Variants in TDRD6 observed in about 807,000 individuals in gnomAD.
TDRD6 encodes the protein tudor domain containing 6.
Under a neutral mutation model 157.5 loss-of-function variants are expected in TDRD6, and 186 were observed. That is an observed-to-expected ratio of 1.18 (90% CI 1.05 to 1.33). The LOEUF (loss-of-function observed/expected upper bound fraction) is 1.33, where lower values mean the gene tolerates loss of function less well. Among genes scored for constraint, TDRD6 ranks in the 40% most tolerant of loss-of-function variants. The pLI, the probability that TDRD6 is intolerant of heterozygous loss-of-function variation, is 0.00. For synonymous variants in TDRD6, 1,075 were observed against 945.2 expected, an observed-to-expected ratio of 1.14 and a Z score of -2.52; for missense variants, 3,066 against 2,508.0, an observed-to-expected ratio of 1.22 and a Z score of -4.75.
At position 46,690,817 on chromosome 6, in the gene TDRD6, G is replaced by T; in HGVS notation, c.2689G>T (p.Val897Phe). The part of the protein sequence containing the change: ...LIQPVGQNPF[V>F]WDVKAIQAFN... ...TCAACCAGTTGGCCAGAATCCCTTT[G>T]TTTGGGATGTAAAGGCAATACAAGC... Residue 897 changes from valine to phenylalanine, a missense_variant, in exon 1 of 4, where the codon GTT becomes TTT. By Grantham distance (50) the Val-to-Phe change is conservative (BLOSUM62 -1). Transcript: ENST00000316081. 1.2e-6 allele frequency: 2 copies of T among 1,613,888 alleles called. No individual in the cohort carries two copies. The highest frequency in any genetic ancestry group is 1.7e-6 in the Non-Finnish European group (2 of 1,179,894).
In TDRD6 at chr6:46,691,619, G is replaced by C. The variant is rs770534504; in HGVS notation, c.3491G>C (p.Arg1164Thr). Residue 1164 changes from arginine (R) to threonine (T), a missense_variant, in exon 1 of 4, where the codon AGA becomes ACA. By Grantham distance (71) the Arg-to-Thr change is moderately conservative. Coordinates refer to ENST00000316081, the MANE Select transcript of TDRD6 (RefSeq NM_001010870.3). Reference protein sequence around the residue: ...KKLGLLSYKDRIRKKESEVLC... With the variant: ...KKLGLLSYKDTIRKKESEVLC... The stretch of plus-strand genomic sequence containing the variant: ...TTGGGGCTACTTAGTTACAAAGATA[G>C]AATAAGAAAAAAAGAAAGTGAAGTC... 12 of 1,612,090 alleles carry C rather than the reference G, an allele frequency of 7.4e-6. No homozygotes were observed. Among genetic ancestry groups the C allele is most frequent in the African/African-American group, 2.7e-5 (2 of 74,686 alleles).
chr6:46,697,789 G>C (rs960735351), intron 2 of TDRD6, among the ~76,000 whole-genome samples: 6 of 70,898 alleles, frequency 8.5e-5, no homozygotes, highest in African/African-American at 2.5e-4. Flanking sequence ...TCAGGAGGCT[G>C]AGATGGGCAG....
At chr6:46,697,438 T>G (rs1764526891) in intron 2 of TDRD6, among the ~76,000 whole-genome samples, 1 of 152,200 alleles carries the variant, frequency 6.6e-6, no homozygotes, top group Non-Finnish European at 1.5e-5. Flanking sequence ...AGAGGTCTTT[T>G]CTCCACTAGA....
At position 46,692,343 on chromosome 6, in the gene TDRD6, C is replaced by A. The variant is rs751569319; in HGVS notation, c.4215C>A (p.Asp1405Glu). 1 of 1,614,186 alleles carries A rather than the reference C, an allele frequency of 6.2e-7. No individual in the cohort carries two copies. The change falls in exon 1 of 4, where the codon GAC becomes GAA. Residue 1405 changes from aspartate to glutamate, a missense_variant. Coordinates refer to ENST00000316081, the MANE Select transcript of TDRD6 (RefSeq NM_001010870.3). ...VVHTNKIGRL[D>E]LVNAILPGLC... ...ATACTAACAAAATAGGTAGGCTTGA[C>A]CTTGTTAATGCAATATTGCCGGGGT...
chr6:46,694,377 GT>G (rs746878854), intron 1 of TDRD6, among the ~76,000 whole-genome samples: 1 of 151,394 alleles, frequency 6.6e-6, no homozygotes, highest in African/African-American at 2.4e-5. Context: ...TTATTTTTCT[GT>G]TTTTTGTAGA....
Position 46,690,074 on chromosome 6 carries a change from C to T in TDRD6, c.1946C>T (p.Ser649Leu). 1 of 1,614,050 alleles carries T rather than the reference C, an allele frequency of 6.2e-7. No homozygotes were observed. Among genetic ancestry groups the T allele is most frequent in the Non-Finnish European group, 8.5e-7 (1 of 1,180,004 alleles). ...HQYVIEILDE[S>L]RTGEENISKV... is the part of the protein sequence containing the mutation. ...TATGTTATTGAGATTCTTGACGAATCAAGAACAGGGGAAGAAAACATTAGT... is the reference window on the plus strand; with the variant it reads ...TATGTTATTGAGATTCTTGACGAATTAAGAACAGGGGAAGAAAACATTAGT... Residue 649 changes from serine (S) to leucine (L), a missense_variant, in exon 1 of 4, where the codon TCA (serine) becomes TTA (leucine). Coordinates refer to ENST00000316081, the MANE Select transcript of TDRD6 (RefSeq NM_001010870.3).
At chr6:46,685,008 T>C (rs976053278), upstream of TDRD6, among the ~76,000 whole-genome samples, 3 of 150,328 alleles carry the variant, frequency 2.0e-5, no homozygotes, top group Non-Finnish European at 2.9e-5. Flanking sequence ...TGATATAACA[T>C]TGTGGGTTTT....
rs758480599 is a variant in TDRD6, at chr6:46,702,186, A to G, written c.*299A>G. ...TTTACTAACACATTACATTTCAAAA[A>G]CTATTTTGGTACCTTTCAAATACAG... is the stretch of plus-strand genomic sequence containing the variant. On this transcript the variant is annotated 3_prime_UTR_variant, in exon 4 of 4. Transcript: ENST00000316081. 4 of 244,120 alleles carry G rather than the reference A, an allele frequency of 1.6e-5. No individual in the cohort carries two copies. Among genetic ancestry groups the G allele is most frequent in the Non-Finnish European group, 3.1e-5 (4 of 128,576 alleles). 15.1% of individuals were successfully genotyped at this position (244,120 alleles called of 1,614,324 possible).
Position 46,691,729 on chromosome 6 carries a change from T to TA in TDRD6, c.3602dup (p.Tyr1201Ter), listed in dbSNP as rs1764328460. ...CTEYLSKSVGYKLPNKEILEE... is the reference protein window; with the variant it reads ...CTEYLSKSVG ...AGAGTATTTAAGTAAATCAGTAGGG[T>TA]ACAAGTTACCTAATAAAGAAATTTT... Residue 1201 changes from tyrosine to a stop codon, truncating the protein, a stop_gained and frameshift_variant, in exon 1 of 4, where the codon TAC becomes TAAC. Transcript: ENST00000316081. LOFTEE classifies it high-confidence loss of function. The TA allele has an allele frequency of 6.3e-7, 1 of 1,596,662 alleles. No homozygotes were observed. Among genetic ancestry groups the TA allele is most frequent in the African/African-American group, 1.4e-5 (1 of 73,636 alleles).
upstream of TDRD6, among the ~76,000 whole-genome samples, chr6:46,683,300 A>C (rs1332222877): frequency 6.6e-6 from 1 of 152,176 alleles, no homozygotes; most frequent in East Asian, 1.9e-4. Context: ...CTCACTACAA[A>C]AAGTTAATTT....
In TDRD6 at chr6:46,692,716, G is replaced by T. The variant is rs768605877; in HGVS notation, c.4588G>T (p.Gly1530Ter). Residue 1530 changes from glycine to a stop codon, truncating the protein, a stop_gained, in exon 1 of 4, where the codon GGA becomes TGA. Coordinates refer to ENST00000316081, the MANE Select transcript of TDRD6 (RefSeq NM_001010870.3). LOFTEE classifies it high-confidence loss of function. Reference protein sequence around the residue: ...MIRAYATVIDGPEYFWCQFAD... With the variant: ...MIRAYATVID ...AAGAGCTTATGCCACTGTGATAGAT[G>T]GACCTGAGTACTTTTGGTGTCAGTT... The T allele has an allele frequency of 1.9e-6, 3 of 1,614,156 alleles. No individual in the cohort carries two copies. The highest frequency in any genetic ancestry group is 2.5e-6 in the Non-Finnish European group (3 of 1,180,024).
intron 3 of TDRD6, among the ~76,000 whole-genome samples, chr6:46,700,495 TA>T (rs992009761): frequency 6.6e-6 from 1 of 152,122 alleles, no homozygotes; most frequent in Non-Finnish European, 1.5e-5. Context: ...TTACTTTTTT[TA>T]AAAAAATGGT....
At position 46,688,605 on chromosome 6, in the gene TDRD6, C is replaced by A; in HGVS notation, c.477C>A (p.Ser159Arg). ...CCGCCGACGCCGTGGACTTCCTTAG[C>A]AACCTTCAGGGCAAGGAGGTGCACG... ...HWPADAVDFL[S>R]NLQGKEVHGC... The change falls in exon 1 of 4, where the codon AGC (serine) becomes AGA (arginine). Residue 159 changes from serine to arginine, a missense_variant. Transcript: ENST00000316081. 6.3e-7 allele frequency: 1 copy of A among 1,599,028 alleles called. No individual in the cohort carries two copies. The highest frequency in any genetic ancestry group is 1.1e-5 in the South Asian group (1 of 91,088).
rs1018302482 is a variant in TDRD6, at chr6:46,688,140, G to A, written c.12G>A (p.Thr4=). Residue 4 remains threonine, a synonymous_variant, in exon 1 of 4, where the codon ACG becomes ACA. Transcript: ENST00000316081. ...GCCGCGCCGTCAAGATGTGCTCGAC[G>A]CCCGGAATGCCGGCGCCGGGGGCCT... MCS[T]PGMPAPGASL... 2 of 1,538,188 alleles carry A rather than the reference G, an allele frequency of 1.3e-6. No individual in the cohort carries two copies. The highest frequency in any genetic ancestry group is 2.4e-5 in the South Asian group (2 of 84,456).
In TDRD6 at chr6:46,691,342, G is replaced by T; in HGVS notation, c.3214G>T (p.Val1072Leu). 4 of 1,614,048 alleles carry T rather than the reference G, an allele frequency of 2.5e-6. No homozygotes were observed. Among genetic ancestry groups the T allele is most frequent in the Non-Finnish European group, 3.4e-6 (4 of 1,179,926 alleles). The change falls in exon 1 of 4, where the codon GTA (valine) becomes TTA (leucine). Residue 1072 changes from valine to leucine, a missense_variant. Coordinates refer to ENST00000316081, the MANE Select transcript of TDRD6 (RefSeq NM_001010870.3). The stretch of plus-strand genomic sequence containing the variant: ...CTTTGTTGATTTTGGGAATATTTAT[G>T]TAGTAACAAGTGATGATCTGCTTCC... ...VFFVDFGNIY[V>L]VTSDDLLPIP...
upstream of TDRD6, among the ~76,000 whole-genome samples, chr6:46,682,910 T>A (rs572984712): frequency 9.2e-5 from 14 of 152,064 alleles, 1 homozygote; most frequent in Middle Eastern, 0.01. Flanking sequence ...CAAATTGATC[T>A]CTACCTACAA....
chr6:46,695,795 G>A, intron 1 of TDRD6, 26 bp from the exon 2 acceptor site: 5 of 1,602,626 alleles, frequency 3.1e-6, no homozygotes, highest in Non-Finnish European at 4.3e-6. Context: ...GATATGCATT[G>A]AGTCTTACTC....
chr6:46,687,351 T>G (rs1355155227), upstream of TDRD6, among the ~76,000 whole-genome samples: 47 of 152,278 alleles, frequency 3.1e-4, no homozygotes, highest in Non-Finnish European at 1.2e-4. Flanking sequence ...AAGGGAAATA[T>G]GTACCAGTTG....
chr6:46,703,835 G>T lies in TDRD6; in HGVS notation c.*1948G>T, dbSNP rs946249913. On this transcript the variant is annotated 3_prime_UTR_variant, in exon 4 of 4. Coordinates refer to ENST00000316081, the MANE Select transcript of TDRD6 (RefSeq NM_001010870.3). ...CTAATGTATTCTAACTGGAATCCCT[G>T]CTATATGCTGTAATACCTGTGGAAC... 1 of 152,120 alleles carries T rather than the reference G, an allele frequency of 6.6e-6. No individual in the cohort carries two copies. The highest frequency in any genetic ancestry group is 2.4e-5 in the African/African-American group (1 of 41,426). The allele number at this position is 152,120 out of a possible 1,614,324, so 9.4% of individuals were successfully genotyped here. A position where few individuals can be genotyped will look rare whatever the true frequency, so the allele number is the denominator to read the frequency against.
Sources: gnomAD v4.1 joint callset for allele counts (sites outside exome capture counted in the v4.1 genomes callset) on GRCh38, gnomAD v4.1.1 for gene constraint, MANE v1.5 for transcripts, NCBI Gene and HGNC (gene_info 2026-07-23, HGNC 2026-07-21) for gene names.